Variants in LRRTM4 observed in about 807,000 individuals in gnomAD.
LRRTM4 encodes the protein leucine rich repeat transmembrane neuronal 4.
In LRRTM4, 25 loss-of-function variants were observed where a neutral mutation model predicts 47.6. That is an observed-to-expected ratio of 0.53 (90% CI 0.38 to 0.73). The LOEUF (loss-of-function observed/expected upper bound fraction) is 0.73. LRRTM4 is among the 30% of genes least tolerant of loss of function. The pLI, the probability that LRRTM4 is intolerant of heterozygous loss-of-function variation, is 0.00. For missense variants in LRRTM4, 638 were observed against 713.4 expected (o/e 0.89, Z 1.20); for synonymous variants, 311 against 269.5 (o/e 1.15, Z -1.51).
At chr2:76,789,057 T>G (rs1674830528) in intron 3 of LRRTM4, among the ~76,000 whole-genome samples, 1 of 152,172 alleles carries the variant, frequency 6.6e-6, no homozygotes, top group Non-Finnish European at 1.5e-5. Flanking sequence ...CTGTGCTTTT[T>G]CTATTACAAA....
intron 3 of LRRTM4, among the ~76,000 whole-genome samples, chr2:77,432,202 T>C (rs1675406928): frequency 6.6e-6 from 1 of 152,228 alleles, no homozygotes; most frequent in South Asian, 2.1e-4. Context: ...GCTTTCAGGA[T>C]ACACTGGGTT....
In LRRTM4 at chr2:77,431,157, A is replaced by G. The variant is rs193080116; in HGVS notation, c.1551+87161T>C. Among the ~76,000 whole-genome samples the G allele has an allele frequency of 4.2e-3, 633 of 149,086 alleles. 10 individuals carry two copies. The highest frequency in any genetic ancestry group is 6.5e-3 in the Non-Finnish European group (445 of 68,014). ...TCAGCCTCCATGACCGCATGAGCCAATTCCCCTAATAAATCTTCTCGTCTA... is the reference window on the plus strand; with the variant it reads ...TCAGCCTCCATGACCGCATGAGCCAGTTCCCCTAATAAATCTTCTCGTCTA... On this transcript the variant is annotated intron_variant, in intron 3 of 3. Coordinates refer to ENST00000409884, the MANE Select transcript of LRRTM4 (RefSeq NM_001134745.3).
chr2:77,155,866 C>T (rs1672546813), intron 3 of LRRTM4, among the ~76,000 whole-genome samples: 1 of 152,074 alleles, frequency 6.6e-6, no homozygotes, highest in Admixed American at 6.6e-5. Context: ...ATATCTATCA[C>T]ATAACAGCTA....
At chr2:76,834,216 TTTTTTTG>T (rs1671444316) in intron 3 of LRRTM4, among the ~76,000 whole-genome samples, 1 of 150,616 alleles carries the variant, frequency 6.6e-6, no homozygotes, top group South Asian at 2.1e-4. Context: ...AATTTTTTTT[TTTTTTTG>T]TATTTTTAGT....
chr2:77,106,373 T>C (rs1671092913), intron 3 of LRRTM4, among the ~76,000 whole-genome samples: 1 of 152,204 alleles, frequency 6.6e-6, no homozygotes, highest in Non-Finnish European at 1.5e-5. Flanking sequence ...ATAGTCCTTG[T>C]GGCACTTATT....
intron 3 of LRRTM4, among the ~76,000 whole-genome samples, chr2:77,041,944 A>G (rs1679049484): frequency 6.6e-6 from 1 of 151,306 alleles, no homozygotes; most frequent in South Asian, 2.1e-4. Context: ...TCATCTGAAT[A>G]CACTTTCTTT....
intron 3 of LRRTM4, among the ~76,000 whole-genome samples, chr2:77,479,229 T>C (rs1048590637): frequency 1.3e-5 from 2 of 152,100 alleles, no homozygotes; most frequent in South Asian, 4.1e-4. Flanking sequence ...GACGTTTCTG[T>C]TTCCTAAGCA....
intron 3 of LRRTM4, among the ~76,000 whole-genome samples, chr2:76,974,213 CATATATATACATACAT>C (rs1676334180): frequency 7.9e-6 from 1 of 126,434 alleles, no homozygotes; most frequent in Non-Finnish European, 1.6e-5. Flanking sequence ...TATATATACA[CATATATATACATACAT>C]ATATATATAT....
intron 3 of LRRTM4, among the ~76,000 whole-genome samples, chr2:76,822,729 A>G (rs1050302398): frequency 6.6e-6 from 1 of 151,516 alleles, no homozygotes; most frequent in African/African-American, 2.4e-5. Flanking sequence ...CTCAGAAGTG[A>G]GAGACAAACT....
intron 3 of LRRTM4, among the ~76,000 whole-genome samples, chr2:76,931,855 T>G (rs527472475): frequency 1.3e-5 from 2 of 152,244 alleles, no homozygotes; most frequent in South Asian, 4.1e-4. Context: ...CGTGATTAAT[T>G]AGAACCCTAA....
intron 3 of LRRTM4, among the ~76,000 whole-genome samples, chr2:76,760,262 G>T (rs1400849): frequency 0.29 from 44,393 of 152,020 alleles, 7,006 homozygotes; most frequent in East Asian, 0.45. Context: ...GGCACTGTGA[G>T]GAAAGCTAAA....
At chr2:77,370,987 G>A (rs1247111646) in intron 3 of LRRTM4, among the ~76,000 whole-genome samples, 1 of 151,672 alleles carries the variant, frequency 6.6e-6, no homozygotes, top group Non-Finnish European at 1.5e-5. Flanking sequence ...AATACAATTA[G>A]TTGGTTGGGG....
At chr2:77,396,456 G>T (rs1030784586) in intron 3 of LRRTM4, among the ~76,000 whole-genome samples, 1 of 151,840 alleles carries the variant, frequency 6.6e-6, no homozygotes, top group Non-Finnish European at 1.5e-5. Context: ...TGCCTAGACA[G>T]CTTTGCATAC....
chr2:77,127,834 A>C (rs1477247845), intron 3 of LRRTM4, among the ~76,000 whole-genome samples: 2 of 152,192 alleles, frequency 1.3e-5, no homozygotes, highest in Non-Finnish European at 2.9e-5. Flanking sequence ...TTAGATTCTT[A>C]AGCCTCAGAA....
chr2:77,400,020 T>G (rs1673879595), intron 3 of LRRTM4, among the ~76,000 whole-genome samples: 2 of 151,792 alleles, frequency 1.3e-5, no homozygotes, highest in African/African-American at 4.8e-5. Flanking sequence ...ATTATAGTGT[T>G]AAAATGACTA....
At chr2:77,179,139 A>C (rs1462932611) in intron 3 of LRRTM4, among the ~76,000 whole-genome samples, 1 of 152,204 alleles carries the variant, frequency 6.6e-6, no homozygotes, top group Non-Finnish European at 1.5e-5. Context: ...TAAGGCACAG[A>C]AGTGCTACAG....
intron 3 of LRRTM4, among the ~76,000 whole-genome samples, chr2:77,016,680 G>A (rs1049960659): frequency 2.0e-5 from 3 of 152,078 alleles, no homozygotes; most frequent in Non-Finnish European, 2.9e-5. Context: ...ACTTCCCCCA[G>A]TAGAGGCCCC....
At chr2:77,501,986 A>T (rs1457154657) in intron 3 of LRRTM4, among the ~76,000 whole-genome samples, 1 of 151,466 alleles carries the variant, frequency 6.6e-6, no homozygotes, top group Admixed American at 6.6e-5. Flanking sequence ...AAATATCACT[A>T]TAAATTGTTA....
chr2:76,752,673 G>A (rs990225773), intron 3 of LRRTM4, among the ~76,000 whole-genome samples: 9 of 152,146 alleles, frequency 5.9e-5, no homozygotes, highest in East Asian at 5.8e-4. Flanking sequence ...AACTGAATTC[G>A]TGGTTTCTGA....
Sources: allele counts gnomAD v4.1 joint callset (sites outside exome capture counted in the v4.1 genomes callset), GRCh38; gene constraint gnomAD v4.1.1; transcripts MANE v1.5; gene names NCBI Gene and HGNC (gene_info 2026-07-23, HGNC 2026-07-21).